Variants in PPP1R13B observed in about 807,000 individuals in gnomAD.
PPP1R13B encodes the protein protein phosphatase 1 regulatory subunit 13B.
Under a neutral mutation model 119.8 loss-of-function variants are expected in PPP1R13B, and 44 were observed. The observed-to-expected ratio is 0.37, with a 90% CI of 0.29 to 0.47. The LOEUF (loss-of-function observed/expected upper bound fraction) is 0.47, where lower values mean the gene tolerates loss of function less well. PPP1R13B is among the 20% of genes least tolerant of loss of function. The pLI, the probability that PPP1R13B is intolerant of heterozygous loss-of-function variation, is 0.99. For synonymous variants in PPP1R13B, 542 were observed against 561.5 expected (o/e 0.97, Z 0.49); for missense variants, 1,227 against 1,413.5 (o/e 0.87, Z 2.12).
chr14:103,847,680 G>A (rs1264778833), upstream of PPP1R13B: 1 of 944,498 alleles, frequency 1.1e-6, no homozygotes, highest in Non-Finnish European at 1.3e-6. Flanking sequence ...GGTGGGAGCG[G>A]GGGCGGGGAG....
Position 103,761,267 on chromosome 14 carries a change from C to T in PPP1R13B, c.355-3516G>A, listed in dbSNP as rs569777348. On this transcript the variant is annotated intron_variant, in intron 4 of 16. Transcript: ENST00000202556. ...CCAGCCTAGGGAACAGAGCAAGACC[C>T]TATATTTAAAAAAAAAAAAAAAAAA... 8.6e-3 allele frequency among the ~76,000 whole-genome samples: 1,011 copies of T among 118,176 alleles called. 3 individuals are homozygous for T. Among genetic ancestry groups the T allele is most frequent in the Non-Finnish European group, 0.014 (810 of 59,588 alleles). 77.5% of individuals were successfully genotyped at this position (118,176 alleles called of 152,430 possible).
chr14:103,754,197 C>T lies in PPP1R13B; in HGVS notation c.504G>A (p.Gln168=), dbSNP rs560137897. ...FLKQQERRQQ[Q]SISENEKLQK... ...GAAGCTTTTCATTTTCAGAAATAGA[C>T]TGCTGCTGACGGCGCTCCTGTTGCT... The change falls in exon 6 of 17, where the codon CAG becomes CAA. Residue 168 remains glutamine (Q), a synonymous_variant. Transcript: ENST00000202556. The T allele has an allele frequency of 2.9e-5, 47 of 1,614,074 alleles. 1 individual carries two copies. In the South Asian group the frequency reaches 5.1e-4, roughly 17 times the overall value.
chr14:103,832,368 C>T (rs990786737), intron 1 of PPP1R13B, among the ~76,000 whole-genome samples: 1 of 152,094 alleles, frequency 6.6e-6, no homozygotes. Flanking sequence ...AGTCTGAGAC[C>T]ACACTCTCCA....
intron 4 of PPP1R13B, among the ~76,000 whole-genome samples, chr14:103,771,541 CG>C (rs1567111106): frequency 7.3e-6 from 1 of 136,486 alleles, no homozygotes; most frequent in Admixed American, 8.4e-5. Flanking sequence ...AGTGCGATGG[CG>C]TGATCTCAGC....
At chr14:103,822,173 C>T (rs1044408753) in intron 1 of PPP1R13B, among the ~76,000 whole-genome samples, 8 of 151,718 alleles carry the variant, frequency 5.3e-5, no homozygotes, top group Admixed American at 3.3e-4. Context: ...TTGCTCTTGT[C>T]GCCCAGGCTG....
chr14:103,840,349 T>A (rs2086874466), intron 1 of PPP1R13B, among the ~76,000 whole-genome samples: 1 of 152,242 alleles, frequency 6.6e-6, no homozygotes. Flanking sequence ...CCCAGTGATA[T>A]TTTAAGTTCT....
At chr14:103,745,368 A>C (rs2084360821) in intron 9 of PPP1R13B, among the ~76,000 whole-genome samples, 1 of 152,268 alleles carries the variant, frequency 6.6e-6, no homozygotes, top group African/African-American at 2.4e-5. Flanking sequence ...CCTGATGGCC[A>C]GAGAGTAACA....
At position 103,735,420 on chromosome 14, in the gene PPP1R13B, C is replaced by T. The variant is rs562240499; in HGVS notation, c.3232-225G>A. The stretch of plus-strand genomic sequence containing the variant: ...CTATTTTTCTCACAACACTTCATGC[C>T]ACCTAAAGACTTGTGACTGCCTGTG... On this transcript the variant is annotated intron_variant, in intron 16 of 16. Coordinates refer to ENST00000202556, the MANE Select transcript of PPP1R13B (RefSeq NM_015316.3). 3.3e-5 allele frequency among the ~76,000 whole-genome samples: 5 copies of T among 152,220 alleles called. No individual in the cohort carries two copies. In the South Asian group the frequency reaches 6.2e-4, roughly 19 times the overall value.
intron 1 of PPP1R13B, among the ~76,000 whole-genome samples, chr14:103,800,591 G>T (rs1278249298): frequency 6.6e-6 from 1 of 150,842 alleles, no homozygotes; most frequent in Non-Finnish European, 1.5e-5. Flanking sequence ...GGGGGCAGAG[G>T]TTGCAATGAG....
intron 8 of PPP1R13B, chr14:103,747,239 TGTG>T (rs2084408526): frequency 1.3e-5 from 2 of 152,188 alleles, no homozygotes; most frequent in African/African-American, 2.4e-5. Context: ...CCATAACCCC[TGTG>T]ATTGTAAGAT....
At chr14:103,786,614 A>G (rs932273341) in intron 2 of PPP1R13B, among the ~76,000 whole-genome samples, 2 of 151,666 alleles carry the variant, frequency 1.3e-5, no homozygotes, top group African/African-American at 4.8e-5. Context: ...AAAATACAAA[A>G]ATTAGCCGGG....
chr14:103,741,813 G>A lies in PPP1R13B; in HGVS notation c.1799C>T (p.Ala600Val). ...PKNYQPAAHS[A>V]LNKSVKAVYG... ...ACCTGCTTTAACTGACTTATTTAAG[G>A]CGCTGTGTGCTGCCGGCTGGTAATT... Residue 600 changes from alanine (A) to valine (V), a missense_variant, in exon 11 of 17, where the codon GCC becomes GTC. Transcript: ENST00000202556. 6.2e-7 allele frequency: 1 copy of A among 1,614,132 alleles called. No individual in the cohort carries two copies. Among genetic ancestry groups the A allele is most frequent in the Non-Finnish European group, 8.5e-7 (1 of 1,179,992 alleles).
rs189987369 is a variant in PPP1R13B at position 103,740,406 on chromosome 14, G to T, written c.2010C>A (p.Leu670=). 3.6e-5 allele frequency: 57 copies of T among 1,582,820 alleles called. No homozygotes were observed. In the African/African-American group the frequency reaches 6.1e-4, roughly 17 times the overall value. ...GSTVESLPRP[L]SPTKLTPIVH... ...CGATGGGCGTGAGCTTGGTGGGGCT[G>T]AGTGGCCGTGGCAGGCTCTCCACGG... Residue 670 remains leucine (L), a synonymous_variant, in exon 12 of 17, where the codon CTC becomes CTA. Coordinates refer to ENST00000202556, the MANE Select transcript of PPP1R13B (RefSeq NM_015316.3). This position sits in a 1 kb window ranked among gnomAD's most constrained non-coding sequence, Gnocchi z 4.6.
At chr14:103,819,984 G>A (rs968466019) in intron 1 of PPP1R13B, among the ~76,000 whole-genome samples, 1 of 152,204 alleles carries the variant, frequency 6.6e-6, no homozygotes, top group African/African-American at 2.4e-5. Flanking sequence ...ACACCAGTCT[G>A]ACTGGCTCCT....
chr14:103,740,692 A>G lies in PPP1R13B; in HGVS notation c.1823-99T>C, dbSNP rs530757053. 2.0e-5 allele frequency: 20 copies of G among 1,016,608 alleles called. No homozygotes were observed. Among genetic ancestry groups the G allele is most frequent in the Admixed American group, 3.3e-5 (1 of 30,024 alleles). The allele number at this position is 1,016,608 out of a possible 1,614,324, so 63.0% of individuals were successfully genotyped here. ...CAGAGACAGGCTCCTGCAAAGACAC[A>G]CATATACATCTGCTGCTGTTATTCA... On this transcript the variant is annotated intron_variant, in intron 11 of 16. Coordinates refer to ENST00000202556, the MANE Select transcript of PPP1R13B (RefSeq NM_015316.3). This position sits in a 1 kb window ranked among gnomAD's most constrained non-coding sequence, Gnocchi z 4.6.
chr14:103,739,818 AC>A lies in PPP1R13B; in HGVS notation c.2592+5del. 1 of 1,597,448 alleles carries A rather than the reference AC, an allele frequency of 6.3e-7. No individual in the cohort carries two copies. The highest frequency in any genetic ancestry group is 8.5e-7 in the Non-Finnish European group (1 of 1,170,542). On this transcript the variant is annotated splice_donor_5th_base_variant and intron_variant, in intron 12 of 16. Transcript: ENST00000202556. ...GGCCAGGCTTTGGTCTAGCAATGAC[AC>A]CCACCGTGGAGGTGGCAGGAGGGTG...
chr14:103,782,804 C>T (rs770030857), intron 3 of PPP1R13B, among the ~76,000 whole-genome samples: 2 of 151,446 alleles, frequency 1.3e-5, no homozygotes, highest in African/African-American at 4.9e-5. Context: ...TATTATTCTA[C>T]TAAGCTTTTT....
intron 15 of PPP1R13B, 91 bp downstream of exon 15, chr14:103,737,603 T>G (rs1199965258): frequency 6.9e-7 from 1 of 1,450,966 alleles, no homozygotes. Flanking sequence ...AACAGAAAGC[T>G]GTGCTGAAGC....
intron 1 of PPP1R13B, 131 bp downstream of exon 1, chr14:103,847,168 G>T: frequency 1.0e-6 from 1 of 991,484 alleles, no homozygotes; most frequent in South Asian, 4.6e-5. Flanking sequence ...GGGCGCGCCC[G>T]CCCAGCCACT....
Sources: allele counts gnomAD v4.1 joint callset (sites outside exome capture counted in the v4.1 genomes callset), GRCh38; gene constraint gnomAD v4.1.1; non-coding constraint Gnocchi (gnomAD v3.1); transcripts MANE v1.5; gene names NCBI Gene and HGNC (gene_info 2026-07-23, HGNC 2026-07-21).